CNNM2: variants seen among roughly 807,000 people sequenced by gnomAD.
CNNM2 encodes metal transporter CNNM2.
Under a neutral mutation model 66.9 loss-of-function variants are expected in CNNM2, and 12 were observed. That is an observed-to-expected ratio of 0.18 (90% CI 0.11 to 0.29). CNNM2 has a LOEUF of 0.29. CNNM2 is among the 10% of genes least tolerant of loss of function. The probability of loss-of-function intolerance (pLI) is 1.00; values close to 1 mark genes in which losing one functional copy is unlikely to be tolerated. For missense variants in CNNM2, 705 were observed against 1,167.7 expected, an observed-to-expected ratio of 0.60 and a Z score of 5.77; for synonymous variants, 557 against 501.8, an observed-to-expected ratio of 1.11 and a Z score of -1.47.
chr10:102,934,978 G>C (rs1846183058), intron 1 of CNNM2, among the ~76,000 whole-genome samples: 1 of 151,690 alleles, frequency 6.6e-6, no homozygotes, highest in Admixed American at 6.6e-5. Flanking sequence ...GACCAAGATG[G>C]TGAAACCCCG....
At position 102,918,753 on chromosome 10, in the gene CNNM2, G is replaced by C. The variant is rs764090074; in HGVS notation, c.273G>C (p.Gly91=). The C allele has an allele frequency of 6.3e-7, 1 of 1,591,858 alleles. No individual in the cohort carries two copies. Among genetic ancestry groups the C allele is most frequent in the Non-Finnish European group, 8.5e-7 (1 of 1,170,114 alleles). Residue 91 remains glycine (G), a synonymous_variant, in exon 1 of 8, where the codon GGG becomes GGC. Transcript: ENST00000369878. The surrounding 1 kb of genome is among the most constrained non-coding windows in gnomAD (Gnocchi z 4.1). ...DTNDVSFMEG[G]ALRVSERTRV... ...ACGACGTGTCGTTCATGGAAGGGGGGGCGCTGCGGGTGAGCGAACGGACCC... is the reference window on the plus strand; with the variant it reads ...ACGACGTGTCGTTCATGGAAGGGGGCGCGCTGCGGGTGAGCGAACGGACCC...
intron 6 of CNNM2, among the ~76,000 whole-genome samples, chr10:103,072,224 G>A (rs144873962): frequency 3.3e-5 from 5 of 152,302 alleles, no homozygotes; most frequent in African/African-American, 1.2e-4. Context: ...CAGAGGCCCT[G>A]AGGGCCTCAA....
intron 4 of CNNM2, among the ~76,000 whole-genome samples, chr10:103,063,577 T>C (rs1035514075): frequency 2.6e-5 from 4 of 152,168 alleles, no homozygotes; most frequent in African/African-American, 9.7e-5. Flanking sequence ...GTTGAGTAGG[T>C]TGTGGACACT....
At chr10:102,925,917 G>T (rs1174192136) in intron 1 of CNNM2, among the ~76,000 whole-genome samples, 1 of 152,094 alleles carries the variant, frequency 6.6e-6, no homozygotes, top group Admixed American at 6.5e-5. Flanking sequence ...TTGATACCTA[G>T]GTTATTTGAA....
intron 5 of CNNM2, among the ~76,000 whole-genome samples, chr10:103,070,080 C>G (rs2065549694): frequency 6.6e-6 from 1 of 152,164 alleles, no homozygotes; most frequent in Non-Finnish European, 1.5e-5. Flanking sequence ...TCTCACTATC[C>G]TTGTGCAGGT....
intron 1 of CNNM2, among the ~76,000 whole-genome samples, chr10:102,991,598 G>A (rs1203361811): frequency 6.6e-6 from 1 of 152,074 alleles, no homozygotes; most frequent in African/African-American, 2.4e-5. Context: ...ATCGTCTGAA[G>A]TAAAGCTATA....
chr10:102,938,577 G>A (rs927547609), intron 1 of CNNM2, among the ~76,000 whole-genome samples: 3 of 139,758 alleles, frequency 2.1e-5, no homozygotes, highest in Non-Finnish European at 4.5e-5. Flanking sequence ...ATGGGATTGC[G>A]CCACTGCACT....
chr10:102,943,073 A>G (rs1846484712), intron 1 of CNNM2, among the ~76,000 whole-genome samples: 1 of 152,110 alleles, frequency 6.6e-6, no homozygotes, highest in Non-Finnish European at 1.5e-5. Flanking sequence ...AAAAATACAA[A>G]AAGTAGCCAG....
intron 1 of CNNM2, among the ~76,000 whole-genome samples, chr10:102,940,935 G>A (rs1344716018): frequency 2.6e-5 from 4 of 152,134 alleles, no homozygotes; most frequent in East Asian, 3.9e-4. Flanking sequence ...ATGTTGTCCA[G>A]GCTGGTCACA....
At chr10:102,932,238 A>G (rs1423491682) in intron 1 of CNNM2, among the ~76,000 whole-genome samples, 4 of 151,600 alleles carry the variant, frequency 2.6e-5, no homozygotes, top group South Asian at 2.1e-4. Flanking sequence ...TTTTTGAGCA[A>G]CGGGGTTTTG....
intron 4 of CNNM2, among the ~76,000 whole-genome samples, chr10:103,064,882 C>T (rs964711288): frequency 6.6e-6 from 1 of 152,070 alleles, no homozygotes; most frequent in Admixed American, 6.6e-5. Flanking sequence ...TTAAAACCAT[C>T]TTTATGAAAA....
At chr10:103,057,871 T>C (rs2065321278) in intron 4 of CNNM2, among the ~76,000 whole-genome samples, 1 of 152,244 alleles carries the variant, frequency 6.6e-6, no homozygotes, top group South Asian at 2.1e-4. Flanking sequence ...GGTCAATTCA[T>C]TCTAAACTTC....
At chr10:102,982,096 G>A (rs575464193) in intron 1 of CNNM2, among the ~76,000 whole-genome samples, 3 of 152,066 alleles carry the variant, frequency 2.0e-5, no homozygotes, top group Non-Finnish European at 4.4e-5. Context: ...AATTATCCAT[G>A]CAAATGTGCA....
chr10:102,953,348 C>T (rs978990583), intron 1 of CNNM2, among the ~76,000 whole-genome samples: 14 of 152,036 alleles, frequency 9.2e-5, no homozygotes, highest in Non-Finnish European at 1.9e-4. Flanking sequence ...CCTCTGCCTC[C>T]TGGGTTCAAG....
intron 1 of CNNM2, among the ~76,000 whole-genome samples, chr10:102,984,228 A>G (rs991467996): frequency 6.6e-6 from 1 of 152,210 alleles, no homozygotes; most frequent in Non-Finnish European, 1.5e-5. Context: ...AAATAAAGCT[A>G]TTTGGGAATG....
intron 6 of CNNM2, among the ~76,000 whole-genome samples, chr10:103,073,784 C>T (rs1197249657): frequency 6.8e-6 from 1 of 146,844 alleles, no homozygotes; most frequent in East Asian, 2.0e-4. Flanking sequence ...ATGGCGTGAA[C>T]CCGGGAAGCG....
At chr10:103,057,035 G>C (rs2065306486) in intron 4 of CNNM2, 71 bp downstream of exon 4, 6 of 1,485,946 alleles carry the variant, frequency 4.0e-6, no homozygotes, top group African/African-American at 2.8e-5. Flanking sequence ...TAAGTGAATG[G>C]GTGTCACCGT....
chr10:102,955,188 C>T (rs1007350873), intron 1 of CNNM2, among the ~76,000 whole-genome samples: 1 of 152,102 alleles, frequency 6.6e-6, no homozygotes, highest in African/African-American at 2.4e-5. Flanking sequence ...AGGTATAGAC[C>T]AATGGAACAG....
chr10:102,969,099 G>C (rs2063511112), intron 1 of CNNM2, among the ~76,000 whole-genome samples: 2 of 151,450 alleles, frequency 1.3e-5, no homozygotes, highest in Non-Finnish European at 2.9e-5. Context: ...ATTTTTTGTA[G>C]AGACAGGGAT....
Sources: gnomAD v4.1 joint callset for allele counts (sites outside exome capture counted in the v4.1 genomes callset) on GRCh38, gnomAD v4.1.1 for gene constraint, Gnocchi (gnomAD v3.1) non-coding constraint, MANE v1.5 for transcripts, NCBI Gene and HGNC (gene_info 2026-07-23, HGNC 2026-07-21) for gene names.